The following ANKRD17 variants were observed in gnomAD, a reference collection of about 807,000 sequenced individuals.
ANKRD17 encodes the protein ankyrin repeat domain 17.
In ANKRD17, 19 loss-of-function variants were observed where a neutral mutation model predicts 229.7. The observed-to-expected ratio is 0.08, with a 90% CI of 0.06 to 0.12. The LOEUF (loss-of-function observed/expected upper bound fraction) is 0.12, where lower values mean the gene tolerates loss of function less well. Among genes scored for constraint, ANKRD17 ranks in the 10% least tolerant of loss-of-function variants. The pLI is 1.00. For missense variants in ANKRD17, 2,176 were observed against 3,176.8 expected (o/e 0.68, Z 7.57); for synonymous variants, 1,112 against 1,146.1 (o/e 0.97, Z 0.60).
Position 73,258,681 on chromosome 4 carries a change from AG to A in ANKRD17, c.-14del. The A allele has an allele frequency of 1.4e-6, 2 of 1,454,714 alleles. No individual in the cohort carries two copies. The highest frequency in any genetic ancestry group is 1.5e-5 in the African/African-American group (1 of 66,618). 90.1% of individuals were successfully genotyped at this position (1,454,714 alleles called of 1,614,324 possible). On this transcript the variant is annotated 5_prime_UTR_variant, in exon 1 of 34. Coordinates refer to ENST00000358602, the MANE Select transcript of ANKRD17 (RefSeq NM_032217.5). ...TCGCCTTCTCCATCCCCAGGGAAAG[AG>A]GGAGGGCGCGGACGGGGGAGGGGCG...
intron 11 of ANKRD17, among the ~76,000 whole-genome samples, chr4:73,143,105 AT>A (rs1163374946): frequency 3.3e-5 from 5 of 152,216 alleles, no homozygotes; most frequent in Admixed American, 1.3e-4. Flanking sequence ...TTTTATTTGT[AT>A]TTTAAGTTCT....
chr4:73,208,588 G>A (rs901822186), intron 1 of ANKRD17, among the ~76,000 whole-genome samples: 4 of 152,092 alleles, frequency 2.6e-5, no homozygotes, highest in African/African-American at 9.7e-5. Context: ...TACAGCACAA[G>A]CACAGGAGAG....
chr4:73,226,379 C>A (rs189431605), intron 1 of ANKRD17, among the ~76,000 whole-genome samples: 79 of 137,710 alleles, frequency 5.7e-4, no homozygotes, highest in African/African-American at 1.3e-3. Context: ...GTAATAATTT[C>A]TTTTCTTCTG....
Position 73,139,683 on chromosome 4 carries a change from G to T in ANKRD17, c.2933C>A (p.Thr978Lys). Residue 978 changes from threonine to lysine, a missense_variant, in exon 15 of 34, where the codon ACA becomes AAA. Around this residue, in one of 18 missense-constraint regions of ANKRD17, gnomAD observed 230 missense variants for 252.3 expected, o/e 0.91. Coordinates refer to ENST00000358602, the MANE Select transcript of ANKRD17 (RefSeq NM_032217.5). ...PLPPGSIANL[T>K]ELQGVIVGQP... The stretch of plus-strand genomic sequence containing the variant: ...TCCAACTATCACTCCTTGCAGTTCT[G>T]TAAGATTTGCGATGGACCCTGGAGG... 1 of 1,614,120 alleles carries T rather than the reference G, an allele frequency of 6.2e-7. No homozygotes were observed. The highest frequency in any genetic ancestry group is 1.1e-5 in the South Asian group (1 of 91,080).
At position 73,135,694 on chromosome 4, in the gene ANKRD17, G is replaced by C. The variant is rs558481344; in HGVS notation, c.3086-429C>G. ...TTTCACACCTTATATTCTAGAACTA[G>C]TAAAATTAATATCACTGTCGGGGAG... is the stretch of plus-strand genomic sequence containing the variant. On this transcript the variant is annotated intron_variant, in intron 15 of 33. Coordinates refer to ENST00000358602, the MANE Select transcript of ANKRD17 (RefSeq NM_032217.5). Among the ~76,000 whole-genome samples, 3 of 152,274 alleles carry C rather than the reference G, an allele frequency of 2.0e-5. No homozygotes were observed. The East Asian group carries it at 5.8e-4, about 29-fold the overall frequency.
At chr4:73,215,802 T>C (rs1740948454) in intron 1 of ANKRD17, among the ~76,000 whole-genome samples, 1 of 152,242 alleles carries the variant, frequency 6.6e-6, no homozygotes, top group East Asian at 1.9e-4. Flanking sequence ...CACAATTATC[T>C]GAAAGGGCTA....
intron 1 of ANKRD17, among the ~76,000 whole-genome samples, chr4:73,233,626 A>G (rs933943170): frequency 6.6e-6 from 1 of 151,886 alleles, no homozygotes; most frequent in South Asian, 2.1e-4. Flanking sequence ...CCATCCCCCC[A>G]CTACCACCAT....
chr4:73,144,751 T>C lies in ANKRD17; in HGVS notation c.1951A>G (p.Ser651Gly). Reference sequence around the variant, plus strand: ...CTGTTTTATACAAACCTACCTTTACTAATTAAGAACTGAACAGTACAAACA... The same window carrying C: ...CTGTTTTATACAAACCTACCTTTACCAATTAAGAACTGAACAGTACAAACA... Reference protein sequence around the residue: ...GHVCTVQFLISKGANVNRTTA... With the variant: ...GHVCTVQFLIGKGANVNRTTA... The change falls in exon 11 of 34, where the codon AGT (serine) becomes GGT (glycine). Residue 651 changes from serine (S) to glycine (G), a missense_variant. This residue lies in a region of ANKRD17 where 275 missense variants were observed against 386.9 expected (regional missense o/e 0.71). Transcript: ENST00000358602. The C allele has an allele frequency of 6.4e-7, 1 of 1,558,750 alleles. No individual in the cohort carries two copies. The highest frequency in any genetic ancestry group is 1.4e-5 in the African/African-American group (1 of 72,128).
rs566682282 is a variant in ANKRD17, at chr4:73,184,034, C to T, written c.394-6501G>A. Among the ~76,000 whole-genome samples, 83 of 152,184 alleles carry T rather than the reference C, an allele frequency of 5.5e-4. 1 individual carries two copies. The South Asian group carries it at 0.016, about 29-fold the overall frequency. Reference sequence around the variant, plus strand: ...GTCAGAGCTGAATGAATTTGTTTGTCATTAACGGTAATTCAAATCCTTCTA... The same window carrying T: ...GTCAGAGCTGAATGAATTTGTTTGTTATTAACGGTAATTCAAATCCTTCTA... On this transcript the variant is annotated intron_variant, in intron 1 of 33. Coordinates refer to ENST00000358602, the MANE Select transcript of ANKRD17 (RefSeq NM_032217.5).
At chr4:73,141,710 G>T (rs775010844) in intron 14 of ANKRD17, 31 bp downstream of exon 14, 2 of 1,579,888 alleles carry the variant, frequency 1.3e-6, no homozygotes, top group Non-Finnish European at 8.7e-7. Context: ...TGGACACCAA[G>T]TAAGAAACAG....
chr4:73,256,077 C>G (rs77684619), intron 1 of ANKRD17, among the ~76,000 whole-genome samples: 4,060 of 152,176 alleles, frequency 0.027, 178 homozygotes, highest in African/African-American at 0.093. Flanking sequence ...TCATAAATGA[C>G]AAACCCATTG....
intron 1 of ANKRD17, among the ~76,000 whole-genome samples, chr4:73,194,636 A>G (rs1043142635): frequency 2.0e-5 from 3 of 152,162 alleles, no homozygotes; most frequent in African/African-American, 7.2e-5. Context: ...TTTACATTTA[A>G]CAGTATTGAC....
In ANKRD17 at chr4:73,177,630, T is replaced by G. The variant is rs1001199069; in HGVS notation, c.394-97A>C. 3.4e-6 allele frequency: 3 copies of G among 878,618 alleles called. No individual in the cohort carries two copies. The Admixed American group carries it at 7.3e-5, about 21-fold the overall frequency. 54.4% of individuals were successfully genotyped at this position (878,618 alleles called of 1,614,324 possible). A position where few individuals can be genotyped will look rare whatever the true frequency, so the allele number is the denominator to read the frequency against. On this transcript the variant is annotated intron_variant, in intron 1 of 33. Coordinates refer to ENST00000358602, the MANE Select transcript of ANKRD17 (RefSeq NM_032217.5). Reference sequence around the variant, plus strand: ...AAAAGAAAGCAGGGGAGGGAAAAAATATGTTAACATAATTAACAATGGTAA... The same window carrying G: ...AAAAGAAAGCAGGGGAGGGAAAAAAGATGTTAACATAATTAACAATGGTAA...
intron 25 of ANKRD17, among the ~76,000 whole-genome samples, chr4:73,099,647 A>G (rs548964322): frequency 1.0e-3 from 156 of 152,260 alleles, no homozygotes; most frequent in African/African-American, 3.5e-3. Context: ...GGTGTGGCCA[A>G]TGGAGGGGGT....
Position 73,092,074 on chromosome 4 carries a change from G to A in ANKRD17, c.5554C>T (p.Leu1852Phe). Reference sequence around the variant, plus strand: ...GCAGAAGAAATTGCAGGCACAGTGAGTGCTGTGGCAGTTTGAGATGTTGAT... The same window carrying A: ...GCAGAAGAAATTGCAGGCACAGTGAATGCTGTGGCAGTTTGAGATGTTGAT... ...LSSTSQTATALTVPAISSAST... is the reference protein window; with the variant it reads ...LSSTSQTATAFTVPAISSAST... Residue 1852 changes from leucine to phenylalanine, a missense_variant, in exon 29 of 34, where the codon CTC (leucine) becomes TTC (phenylalanine). Physicochemically the swap from Leu to Phe is conservative, Grantham distance 22. Around this residue, in one of 18 missense-constraint regions of ANKRD17, gnomAD observed 142 missense variants for 200.4 expected, o/e 0.71. Coordinates refer to ENST00000358602, the MANE Select transcript of ANKRD17 (RefSeq NM_032217.5). 6.2e-7 allele frequency: 1 copy of A among 1,614,240 alleles called. No homozygotes were observed. Among genetic ancestry groups the A allele is most frequent in the Non-Finnish European group, 8.5e-7 (1 of 1,180,048 alleles).
intron 8 of ANKRD17, among the ~76,000 whole-genome samples, chr4:73,147,772 G>A (rs1227446259): frequency 1.3e-5 from 2 of 151,916 alleles, no homozygotes; most frequent in African/African-American, 4.8e-5. Flanking sequence ...TGATGATGAT[G>A]ATAATAAAAA....
intron 3 of ANKRD17, among the ~76,000 whole-genome samples, chr4:73,158,889 C>T (rs1732129124): frequency 6.6e-6 from 1 of 152,238 alleles, no homozygotes; most frequent in African/African-American, 2.4e-5. Flanking sequence ...AGAAGGCTCT[C>T]ACCAGATGCA....
chr4:73,088,138 C>CT (rs1235607286), intron 29 of ANKRD17, among the ~76,000 whole-genome samples: 2 of 152,066 alleles, frequency 1.3e-5, no homozygotes, highest in South Asian at 2.1e-4. Context: ...AAAATACAAA[C>CT]TATAAAAACA....
At chr4:73,210,227 A>T (rs1578403415) in intron 1 of ANKRD17, among the ~76,000 whole-genome samples, 1 of 151,992 alleles carries the variant, frequency 6.6e-6, no homozygotes, top group African/African-American at 2.4e-5. Context: ...ACAAACAAAT[A>T]AAAAAAACCC....
Sources: allele counts gnomAD v4.1 joint callset (sites outside exome capture counted in the v4.1 genomes callset), GRCh38; gene constraint gnomAD v4.1.1; regional missense constraint gnomAD v4.1.1; transcripts MANE v1.5; gene names NCBI Gene and HGNC (gene_info 2026-07-23, HGNC 2026-07-21).